TNNC2: variants seen among roughly 807,000 people sequenced by gnomAD.
TNNC2 encodes troponin C2, fast skeletal type.
Under a neutral mutation model 20.0 loss-of-function variants are expected in TNNC2, and 14 were observed. The observed-to-expected ratio is 0.70, with a 90% CI of 0.46 to 1.09. The LOEUF is 1.09. Ranked by LOEUF, TNNC2 falls within the 50% of genes least tolerant of loss-of-function variation. The pLI is 0.00. For synonymous variants in TNNC2, 81 were observed against 77.3 expected (o/e 1.05, Z -0.25); for missense variants, 163 against 223.8 (o/e 0.73, Z 1.73).
Position 45,823,991 on chromosome 20 carries a change from C to T in TNNC2, c.451G>A (p.Glu151Lys). ...TTCCCAAGCTCCCGTTGGCCCTCAC[C>T]GTCGAAGTCAATGCGGCCGTCGTTG... is the stretch of plus-strand genomic sequence containing the variant. ...KNNDGRIDFD[E>K]FLKMMEGVQ The change falls in exon 5 of 6, where the codon GAG becomes AAG. Residue 151 changes from glutamate (E) to lysine (K), a missense_variant and splice_region_variant. By Grantham distance (56) the Glu-to-Lys change is moderately conservative (BLOSUM62 1). Transcript: ENST00000372555. The surrounding 1 kb of genome is among the most constrained non-coding windows in gnomAD (Gnocchi z 4.6). 1 of 1,614,072 alleles carries T rather than the reference C, an allele frequency of 6.2e-7. No homozygotes were observed. Among genetic ancestry groups the T allele is most frequent in the South Asian group, 1.1e-5 (1 of 91,080 alleles).
intron 1 of TNNC2, among the ~76,000 whole-genome samples, chr20:45,825,284 CCA>C: frequency 6.6e-6 from 1 of 151,200 alleles, no homozygotes; most frequent in Non-Finnish European, 1.5e-5. Flanking sequence ...GCTTCTGACC[CCA>C]GTTTTTGTTT....
chr20:45,824,700 C>CA, intron 2 of TNNC2, 62 bp from the exon 3 acceptor site: 3 of 1,564,002 alleles, frequency 1.9e-6, no homozygotes, highest in East Asian at 2.3e-5. Flanking sequence ...ACACCTACCC[C>CA]CCCCCAACCC....
upstream of TNNC2, among the ~76,000 whole-genome samples, chr20:45,829,339 T>C (rs528867205): frequency 1.3e-5 from 2 of 151,962 alleles, no homozygotes; most frequent in Non-Finnish European, 2.9e-5. Flanking sequence ...TAATTTTGTA[T>C]TTTTAGTAGA....
Position 45,824,004 on chromosome 20 carries a change from G to C in TNNC2, c.438C>G (p.Arg146=). Residue 146 remains arginine (R), a synonymous_variant, in exon 5 of 6, where the codon CGC becomes CGG. Coordinates refer to ENST00000372555, the MANE Select transcript of TNNC2 (RefSeq NM_003279.3). ...GTTGGCCCTCACCGTCGAAGTCAAT[G>C]CGGCCGTCGTTGTTCTTGTCGCCGT... ...MKDGDKNNDG[R]IDFDEFLKMM... 1 of 1,614,124 alleles carries C rather than the reference G, an allele frequency of 6.2e-7. No individual in the cohort carries two copies. The highest frequency in any genetic ancestry group is 8.5e-7 in the Non-Finnish European group (1 of 1,180,000).
chr20:45,830,901 A>G (rs1354205799), upstream of TNNC2, among the ~76,000 whole-genome samples: 1 of 152,168 alleles, frequency 6.6e-6, no homozygotes, highest in Non-Finnish European at 1.5e-5. Context: ...ATCCTAGCAC[A>G]TTGGGAAGCT....
chr20:45,832,972 T>A (rs757606771), intron 2 of TNNC2, among the ~76,000 whole-genome samples: 6 of 152,128 alleles, frequency 3.9e-5, no homozygotes, highest in Non-Finnish European at 8.8e-5. Flanking sequence ...CCAAATCCCA[T>A]CTCTACAAAA....
In TNNC2 at chr20:45,824,114, A is replaced by G. The variant is rs745359680; in HGVS notation, c.328T>C (p.Tyr110His). 10 of 1,613,608 alleles carry G rather than the reference A, an allele frequency of 6.2e-6. No homozygotes were observed. Among genetic ancestry groups the G allele is most frequent in the Non-Finnish European group, 8.5e-7 (1 of 1,179,926 alleles). ...TCAGCCAGCTCCTCCGGGTCGATGT[A>G]GCCGTCTGCATTCCTTCAGGTCCGA... ...FRIFDRNADG[Y>H]IDPEELAEIF... Residue 110 changes from tyrosine (Y) to histidine (H), a missense_variant, in exon 5 of 6, where the codon TAC (tyrosine) becomes CAC (histidine). Transcript: ENST00000372555.
chr20:45,826,005 A>ACCCCCCCCCCCCCCCCCCCCCC (rs111300154), intron 1 of TNNC2, among the ~76,000 whole-genome samples: 1 of 144,008 alleles, frequency 6.9e-6, no homozygotes, highest in African/African-American at 2.7e-5. Context: ...CAAGTCGGGA[A>ACCCCCCCCCCCCCCCCCCCCCC]CCCCCCCCAC....
chr20:45,824,849 G>A lies in TNNC2; in HGVS notation c.4-15C>T, dbSNP rs1265672062. The A allele has an allele frequency of 1.9e-6, 3 of 1,614,072 alleles. No homozygotes were observed. Among genetic ancestry groups the A allele is most frequent in the Non-Finnish European group, 1.7e-6 (2 of 1,180,024 alleles). On this transcript the variant is annotated splice_polypyrimidine_tract_variant and intron_variant, in intron 1 of 5. Transcript: ENST00000372555. ...TGCTGGTCCGTCTGCAGGAGACACA[G>A]AGAAAGTCTGAGCTGAAGAGGCAGC... is the stretch of plus-strand genomic sequence containing the variant.
chr20:45,833,170 G>GAGAAAGAAAGAA (rs1983175051), intron 2 of TNNC2: 1 of 105,206 alleles, frequency 9.5e-6, no homozygotes, highest in African/African-American at 3.7e-5. Flanking sequence ...AAGAAAGAGA[G>GAGAAAGAAAGAA]AGAGAGAAAG....
At chr20:45,825,955 CAAGTT>C (rs756003151) in intron 1 of TNNC2, among the ~76,000 whole-genome samples, 8 of 152,112 alleles carry the variant, frequency 5.3e-5, no homozygotes, top group Non-Finnish European at 1.2e-4. Flanking sequence ...GAGGAGACAA[CAAGTT>C]AAGCCCAAGG....
At chr20:45,824,698 C>CA (rs1601055038) in intron 2 of TNNC2, 60 bp from the exon 3 acceptor site, 3 of 1,551,302 alleles carry the variant, frequency 1.9e-6, no homozygotes, top group East Asian at 2.3e-5. Flanking sequence ...TCACACCTAC[C>CA]CCCCCCCAAC....
upstream of TNNC2, among the ~76,000 whole-genome samples, chr20:45,830,508 C>T (rs76611155): frequency 1.5e-3 from 227 of 152,248 alleles, no homozygotes; most frequent in African/African-American, 5.2e-3. Flanking sequence ...GATCCTTCCC[C>T]CACTGTGTCC....
Position 45,824,487 on chromosome 20 carries a change from C to A in TNNC2, c.199+8G>T, listed in dbSNP as rs73308431. 3 of 1,613,248 alleles carry A rather than the reference C, an allele frequency of 1.9e-6. No individual in the cohort carries two copies. Among genetic ancestry groups the A allele is most frequent in the African/African-American group, 1.3e-5 (1 of 74,866 alleles). ...ACCATCCCCTGCCTCCGAGGGACAC[C>A]CGCTCACCGTCCTCATCCACCTCCT... is the stretch of plus-strand genomic sequence containing the variant. On this transcript the variant is annotated splice_region_variant and intron_variant, in intron 3 of 5. Transcript: ENST00000372555.
chr20:45,829,066 C>T (rs185462056), upstream of TNNC2, among the ~76,000 whole-genome samples: 18 of 152,150 alleles, frequency 1.2e-4, no homozygotes, highest in African/African-American at 3.6e-4. Context: ...CTGCACCCTC[C>T]GCCTCCTAGG....
Position 45,824,802 on chromosome 20 carries a change from G to C in TNNC2, c.36C>G (p.Leu12=). Residue 12 remains leucine, a synonymous_variant, in exon 2 of 6, where the codon CTC becomes CTG. Coordinates refer to ENST00000372555, the MANE Select transcript of TNNC2 (RefSeq NM_003279.3). ...TDQQAEARSY[L]SEEMIAEFKA... ...ACTCACCAGCGATCATCTCTTCGCTGAGGTAGGACCTGGCCTCAGCCTGCT... is the reference window on the plus strand; with the variant it reads ...ACTCACCAGCGATCATCTCTTCGCTCAGGTAGGACCTGGCCTCAGCCTGCT... 2 of 1,611,544 alleles carry C rather than the reference G, an allele frequency of 1.2e-6. No individual in the cohort carries two copies. Among genetic ancestry groups the C allele is most frequent in the Non-Finnish European group, 1.7e-6 (2 of 1,179,824 alleles).
rs1982894876 is a variant in TNNC2 at position 45,824,274 on chromosome 20, C to T, written c.314+18G>A. On this transcript the variant is annotated intron_variant, in intron 4 of 5. Coordinates refer to ENST00000372555, the MANE Select transcript of TNNC2 (RefSeq NM_003279.3). ...TGACTGCTAAGCCCCTCCCTCGGCT[C>T]CCGGGCCCCCAGCGCACCTGTCGAA... The T allele has an allele frequency of 6.2e-7, 1 of 1,608,670 alleles. No individual in the cohort carries two copies. The highest frequency in any genetic ancestry group is 8.5e-7 in the Non-Finnish European group (1 of 1,179,548).
At chr20:45,829,789 A>C (rs1455712444), upstream of TNNC2, among the ~76,000 whole-genome samples, 1 of 150,258 alleles carries the variant, frequency 6.7e-6, no homozygotes, top group Non-Finnish European at 1.5e-5. Context: ...CCGTCTCAAA[A>C]AAAAAAAAAG....
In TNNC2 at chr20:45,824,005, C is replaced by A. The variant is rs758805359; in HGVS notation, c.437G>T (p.Arg146Leu). ...MKDGDKNNDG[R>L]IDFDEFLKMM... is the part of the protein sequence containing the mutation. ...TTGGCCCTCACCGTCGAAGTCAATG[C>A]GGCCGTCGTTGTTCTTGTCGCCGTC... The change falls in exon 5 of 6, where the codon CGC becomes CTC. Residue 146 changes from arginine (R) to leucine (L), a missense_variant. Transcript: ENST00000372555. 5 of 1,613,992 alleles carry A rather than the reference C, an allele frequency of 3.1e-6. No individual in the cohort carries two copies. Among genetic ancestry groups the A allele is most frequent in the African/African-American group, 2.7e-5 (2 of 74,930 alleles).
Sources: allele counts gnomAD v4.1 joint callset (sites outside exome capture counted in the v4.1 genomes callset), GRCh38; gene constraint gnomAD v4.1.1; non-coding constraint Gnocchi (gnomAD v3.1); transcripts MANE v1.5; gene names NCBI Gene and HGNC (gene_info 2026-07-23, HGNC 2026-07-21).